Variants in RAP1GAP2 observed in about 807,000 individuals in gnomAD.
RAP1GAP2 encodes rap1 GTPase-activating protein 2.
Under a neutral mutation model 95.0 loss-of-function variants are expected in RAP1GAP2, and 27 were observed. The observed-to-expected ratio is 0.28, with a 90% CI of 0.21 to 0.39. The LOEUF (loss-of-function observed/expected upper bound fraction) is 0.39. Ranked by LOEUF, RAP1GAP2 falls within the 10% of genes least tolerant of loss-of-function variation. The pLI, the probability that RAP1GAP2 is intolerant of heterozygous loss-of-function variation, is 1.00. For synonymous variants in RAP1GAP2, 373 were observed against 380.9 expected (o/e 0.98, Z 0.24); for missense variants, 771 against 970.0 (o/e 0.79, Z 2.72).
chr17:2,911,113 T>A (rs1400609253), intron 3 of RAP1GAP2, among the ~76,000 whole-genome samples: 2 of 152,148 alleles, frequency 1.3e-5, no homozygotes, highest in African/African-American at 2.4e-5. Context: ...GCTCTCCCAC[T>A]GGGAAGGGCT....
At chr17:2,843,203 G>A (rs568324018) in intron 2 of RAP1GAP2, among the ~76,000 whole-genome samples, 1 of 152,192 alleles carries the variant, frequency 6.6e-6, no homozygotes, top group Admixed American at 6.6e-5. Flanking sequence ...GGTGTGTCCT[G>A]CAGGTGAGTG....
At chr17:2,828,420 G>GAA (rs199805745) in intron 2 of RAP1GAP2, among the ~76,000 whole-genome samples, 31,096 of 145,130 alleles carry the variant, frequency 0.21, 6,320 homozygotes, top group African/African-American at 0.54. Flanking sequence ...AGTGAAAGTT[G>GAA]AAAAAAAAAA....
At chr17:2,922,820 C>CT (rs1567782104) in intron 3 of RAP1GAP2, among the ~76,000 whole-genome samples, 12 of 129,096 alleles carry the variant, frequency 9.3e-5, no homozygotes, top group South Asian at 2.4e-4. Flanking sequence ...CCAGTATTTT[C>CT]TTTTTGTTTT....
chr17:2,981,563 G>T (rs370038903), intron 10 of RAP1GAP2, among the ~76,000 whole-genome samples: 1 of 152,244 alleles, frequency 6.6e-6, no homozygotes, highest in South Asian at 2.1e-4. Context: ...GGAGGTGGAC[G>T]TGACTCTGTA....
At chr17:2,836,980 G>A (rs1186970410) in intron 2 of RAP1GAP2, among the ~76,000 whole-genome samples, 2 of 152,122 alleles carry the variant, frequency 1.3e-5, no homozygotes. Context: ...GCCAGTAACG[G>A]TGGCTCACAC....
chr17:2,757,186 T>G (rs2071164187), intron 1 of RAP1GAP2, among the ~76,000 whole-genome samples: 1 of 152,212 alleles, frequency 6.6e-6, no homozygotes. Context: ...TGGTGCAATC[T>G]CGGCTCACTG....
rs1192058172 is a variant in RAP1GAP2 at position 2,857,330 on chromosome 17, G to A, written c.81-47954G>A. Among the ~76,000 whole-genome samples the A allele has an allele frequency of 2.0e-5, 3 of 152,128 alleles. No individual in the cohort carries two copies. The highest frequency in any genetic ancestry group is 2.1e-4 in the South Asian group (1 of 4,828). ...TCTCCAGGCCACTTGGAAATATTGC[G>A]TATTAGGGGACAGGGAGGTGTGCCA... On this transcript the variant is annotated intron_variant, in intron 2 of 24. Transcript: ENST00000254695. This position sits in a 1 kb window ranked among gnomAD's most constrained non-coding sequence, Gnocchi z 4.0.
At chr17:2,921,026 G>A (rs1455396349) in intron 3 of RAP1GAP2, among the ~76,000 whole-genome samples, 5 of 152,038 alleles carry the variant, frequency 3.3e-5, no homozygotes, top group Non-Finnish European at 4.4e-5. Flanking sequence ...TTCCTCCTGT[G>A]TGTGCCCCTC....
intron 3 of RAP1GAP2, among the ~76,000 whole-genome samples, chr17:2,944,604 T>G (rs1441985043): frequency 3.3e-5 from 5 of 152,194 alleles, no homozygotes; most frequent in Non-Finnish European, 7.3e-5. Context: ...TAAGAAGGTT[T>G]TGAGTATTCT....
intron 2 of RAP1GAP2, among the ~76,000 whole-genome samples, chr17:2,878,499 G>A (rs1272332658): frequency 2.6e-5 from 4 of 152,266 alleles, no homozygotes; most frequent in Admixed American, 2.0e-4. Context: ...GACTCGAAAG[G>A]TGCATCACCT....
rs1473595178 is a variant in RAP1GAP2, at chr17:2,965,756, G to A, written c.596+113G>A. ...CCAGACTGACCAGTCTGGTCTGGGT[G>A]CACTGGCTGACGGGGACAGGCCTGC... On this transcript the variant is annotated intron_variant, in intron 8 of 24. Transcript: ENST00000254695. The surrounding 1 kb of genome is among the most constrained non-coding windows in gnomAD (Gnocchi z 4.7). The A allele has an allele frequency of 8.6e-6, 7 of 810,672 alleles. No individual in the cohort carries two copies. In the Admixed American group the frequency reaches 1.7e-4, roughly 19 times the overall value. 50.2% of individuals were successfully genotyped at this position (810,672 alleles called of 1,614,324 possible). A position where few individuals can be genotyped will look rare whatever the true frequency, so the allele number is the denominator to read the frequency against.
intron 2 of RAP1GAP2, among the ~76,000 whole-genome samples, chr17:2,898,113 A>G (rs1344121634): frequency 3.3e-5 from 5 of 151,894 alleles, no homozygotes; most frequent in African/African-American, 4.8e-5. Flanking sequence ...GGATTTCACC[A>G]TGTTGCCCAG....
chr17:2,905,551 A>G (rs936259094), intron 3 of RAP1GAP2, among the ~76,000 whole-genome samples, 183 bp downstream of exon 3: 7 of 152,172 alleles, frequency 4.6e-5, no homozygotes, highest in African/African-American at 9.7e-5. Flanking sequence ...CAAGAGACTC[A>G]GGGTGTCTGT....
chr17:2,955,483 G>T (rs72821215), intron 3 of RAP1GAP2, among the ~76,000 whole-genome samples: 16,320 of 152,158 alleles, frequency 0.11, 904 homozygotes, highest in South Asian at 0.18. Context: ...GTCTTTTTCT[G>T]ACTGAGTTGT....
At chr17:2,813,887 C>G (rs570412781) in intron 2 of RAP1GAP2, among the ~76,000 whole-genome samples, 6 of 152,022 alleles carry the variant, frequency 3.9e-5, no homozygotes, top group African/African-American at 1.2e-4. Context: ...CACTTAAACC[C>G]GGGAGGCGGA....
At chr17:2,909,548 T>G (rs1033855423) in intron 3 of RAP1GAP2, among the ~76,000 whole-genome samples, 2 of 152,200 alleles carry the variant, frequency 1.3e-5, no homozygotes, top group Admixed American at 6.5e-5. Flanking sequence ...TAACATATTC[T>G]TTCAAAAAAT....
intron 23 of RAP1GAP2, among the ~76,000 whole-genome samples, chr17:3,032,112 G>A (rs11654664): frequency 0.16 from 22,638 of 141,880 alleles, 1,489 homozygotes; most frequent in African/African-American, 0.24. Flanking sequence ...CAGATGTGAG[G>A]TGGGAAGGGC....
rs1269918727 is a variant in RAP1GAP2, at chr17:3,008,715, G to A, written c.1494+570G>A. On this transcript the variant is annotated intron_variant, in intron 17 of 24. Coordinates refer to ENST00000254695, the MANE Select transcript of RAP1GAP2 (RefSeq NM_015085.5). This position sits in a 1 kb window ranked among gnomAD's most constrained non-coding sequence, Gnocchi z 4.2. ...GGAAGCAGTGAGCTCCCTGTCCCTG[G>A]AAGTATTCAAGTGGAGCTCGGACGG... 2.0e-5 allele frequency among the ~76,000 whole-genome samples: 3 copies of A among 152,204 alleles called. No homozygotes were observed. Among genetic ancestry groups the A allele is most frequent in the Non-Finnish European group, 2.9e-5 (2 of 68,032 alleles).
rs140224995 is a variant in RAP1GAP2, at chr17:3,036,512, G to A, written c.*3151G>A. 1 of 152,278 alleles carries A rather than the reference G, an allele frequency of 6.6e-6. No homozygotes were observed. The highest frequency in any genetic ancestry group is 1.5e-5 in the Non-Finnish European group (1 of 68,100). The allele number at this position is 152,278 out of a possible 1,614,324, so 9.4% of individuals were successfully genotyped here. A position where few individuals can be genotyped will look rare whatever the true frequency, so the allele number is the denominator to read the frequency against. On this transcript the variant is annotated 3_prime_UTR_variant, in exon 25 of 25. Coordinates refer to ENST00000254695, the MANE Select transcript of RAP1GAP2 (RefSeq NM_015085.5). ...CTGCAGTTTCTGCTCTTTTTCATCA[G>A]GGGGGATAGTCTCTAGGATTTTTCA...
Sources: gnomAD v4.1 joint callset for allele counts (sites outside exome capture counted in the v4.1 genomes callset) on GRCh38, gnomAD v4.1.1 for gene constraint, Gnocchi (gnomAD v3.1) non-coding constraint, MANE v1.5 for transcripts, NCBI Gene and HGNC (gene_info 2026-07-23, HGNC 2026-07-21) for gene names.